MCTP1: variants seen among roughly 807,000 people sequenced by gnomAD.
MCTP1 encodes the protein multiple C2 and transmembrane domain containing 1.
MCTP1 carries 69 observed loss-of-function variants against 120.6 expected under a neutral mutation model. The observed-to-expected ratio is 0.57, with a 90% CI of 0.47 to 0.70. The LOEUF (loss-of-function observed/expected upper bound fraction) is 0.70, where lower values mean the gene tolerates loss of function less well. Among genes scored for constraint, MCTP1 ranks in the 30% least tolerant of loss-of-function variants. The pLI is 0.00. For synonymous variants in MCTP1, 529 were observed against 493.1 expected, an observed-to-expected ratio of 1.07 and a Z score of -0.96; for missense variants, 1,203 against 1,248.8, an observed-to-expected ratio of 0.96 and a Z score of 0.55.
chr5:95,166,301 A>T (rs162474), intron 1 of MCTP1: 1 of 151,948 alleles, frequency 6.6e-6, no homozygotes, highest in Non-Finnish European at 1.5e-5. Flanking sequence ...TGAGTTCTCC[A>T]ATCAAGGGAG....
At chr5:94,952,000 C>T (rs1031503760) in intron 3 of MCTP1, among the ~76,000 whole-genome samples, 2 of 151,700 alleles carry the variant, frequency 1.3e-5, no homozygotes, top group African/African-American at 2.4e-5. Context: ...GGTGAAATGC[C>T]ATCTCTACTA....
rs1444174213 is a variant in MCTP1, at chr5:94,705,463, TTTTTAAGAA to T, written c.*2024_*2032del. 8 of 150,806 alleles carry T rather than the reference TTTTTAAGAA, an allele frequency of 5.3e-5. No individual in the cohort carries two copies. The highest frequency in any genetic ancestry group is 1.7e-4 in the African/African-American group (7 of 41,154). 9.3% of individuals were successfully genotyped at this position (150,806 alleles called of 1,614,324 possible). A position where few individuals can be genotyped will look rare whatever the true frequency, so the allele number is the denominator to read the frequency against. On this transcript the variant is annotated 3_prime_UTR_variant, in exon 23 of 23. Coordinates refer to ENST00000515393, the MANE Select transcript of MCTP1 (RefSeq NM_024717.7). The stretch of plus-strand genomic sequence containing the variant: ...CTGTTTTTCTCCAAGTGACATATAG[TTTTTAAGAA>T]TATGCACACAATCCCTCATCAATCT...
At chr5:95,267,513 A>G (rs572964201) in intron 1 of MCTP1, among the ~76,000 whole-genome samples, 1 of 152,336 alleles carries the variant, frequency 6.6e-6, no homozygotes, top group Admixed American at 6.5e-5. Context: ...TCCAGGGGGA[A>G]AGACACTTTC....
At chr5:95,260,871 A>C (rs972780832) in intron 1 of MCTP1, among the ~76,000 whole-genome samples, 3 of 152,190 alleles carry the variant, frequency 2.0e-5, no homozygotes, top group African/African-American at 7.2e-5. Flanking sequence ...AAATGTGAGC[A>C]ATTTCCAATT....
chr5:94,906,242 T>C (rs1806876387), intron 10 of MCTP1, among the ~76,000 whole-genome samples: 1 of 152,098 alleles, frequency 6.6e-6, no homozygotes, highest in Non-Finnish European at 1.5e-5. Context: ...TCCCAGCACT[T>C]TGGGAGGCCG....
chr5:94,723,067 T>TA (rs565770220), intron 19 of MCTP1, among the ~76,000 whole-genome samples: 84 of 152,052 alleles, frequency 5.5e-4, no homozygotes, highest in African/African-American at 6.3e-4. Context: ...TTTTCAGATA[T>TA]AAAAAAAACA....
At chr5:95,164,844 C>A (rs1746139693) in intron 1 of MCTP1, among the ~76,000 whole-genome samples, 1 of 152,068 alleles carries the variant, frequency 6.6e-6, no homozygotes, top group Admixed American at 6.6e-5. Context: ...ATCTGTTTCT[C>A]ATGGTCTAAT....
At chr5:94,958,261 CTAA>C (rs1474012040) in intron 2 of MCTP1, among the ~76,000 whole-genome samples, 3 of 152,038 alleles carry the variant, frequency 2.0e-5, no homozygotes, top group East Asian at 3.8e-4. Context: ...TGGGACACAG[CTAA>C]AGCAGTGTGT....
chr5:94,953,549 T>A (rs539515706), intron 2 of MCTP1, among the ~76,000 whole-genome samples, 188 bp from the exon 3 acceptor site: 13 of 151,610 alleles, frequency 8.6e-5, no homozygotes, highest in East Asian at 3.9e-4. Flanking sequence ...TAATAATAAT[T>A]ATTATTACTT....
chr5:95,008,480 C>T (rs1835213271), intron 2 of MCTP1, among the ~76,000 whole-genome samples: 1 of 152,098 alleles, frequency 6.6e-6, no homozygotes, highest in Non-Finnish European at 1.5e-5. Context: ...AGGGAAATAC[C>T]CCATCTTTTG....
chr5:94,877,918 A>T (rs1480034103), intron 12 of MCTP1: 2 of 152,010 alleles, frequency 1.3e-5, no homozygotes, highest in African/African-American at 4.8e-5. Context: ...GCTGGATGTG[A>T]TGTGTTATAA....
intron 17 of MCTP1, among the ~76,000 whole-genome samples, chr5:94,846,817 C>CTG (rs67319075): frequency 0.064 from 9,372 of 147,184 alleles, 352 homozygotes; most frequent in African/African-American, 0.12. Context: ...CTGTGTGTGT[C>CTG]TGTGTGTGTG....
chr5:95,037,672 C>T (rs1214672766), intron 1 of MCTP1, among the ~76,000 whole-genome samples: 1 of 152,078 alleles, frequency 6.6e-6, no homozygotes, highest in Non-Finnish European at 1.5e-5. Context: ...TTGAGATCGG[C>T]CTGGCAAACA....
chr5:94,766,333 C>T (rs1772701179), intron 19 of MCTP1, among the ~76,000 whole-genome samples: 1 of 152,168 alleles, frequency 6.6e-6, no homozygotes, highest in African/African-American at 2.4e-5. Flanking sequence ...CCATGGAATA[C>T]TATGCAGCCA....
intron 1 of MCTP1, among the ~76,000 whole-genome samples, chr5:95,270,800 G>A (rs920812893): frequency 6.6e-6 from 1 of 152,104 alleles, no homozygotes; most frequent in African/African-American, 2.4e-5. Context: ...TGTGATGGCA[G>A]GCACCTGTAG....
chr5:95,082,747 G>C (rs1755086769), intron 1 of MCTP1, among the ~76,000 whole-genome samples: 1 of 152,038 alleles, frequency 6.6e-6, no homozygotes, highest in East Asian at 1.9e-4. Flanking sequence ...TTTTGCACTT[G>C]TGTGACATTT....
chr5:95,203,400 G>T (rs2152555583), intron 1 of MCTP1, among the ~76,000 whole-genome samples: 1 of 152,318 alleles, frequency 6.6e-6, no homozygotes, highest in African/African-American at 2.4e-5. Flanking sequence ...TTAAGGTAAA[G>T]ATCTTGAGAT....
At chr5:95,147,660 AC>A (rs551834006) in intron 1 of MCTP1, among the ~76,000 whole-genome samples, 1 of 152,082 alleles carries the variant, frequency 6.6e-6, no homozygotes, top group South Asian at 2.1e-4. Flanking sequence ...CCAGTTTGCC[AC>A]TCTATGCTTT....
chr5:94,944,640 C>A (rs1445375007), intron 3 of MCTP1, among the ~76,000 whole-genome samples: 2 of 151,740 alleles, frequency 1.3e-5, no homozygotes, highest in Non-Finnish European at 3.0e-5. Flanking sequence ...CAACATCCAA[C>A]CTCTTTTCAC....
Sources: gnomAD v4.1 joint callset for allele counts (sites outside exome capture counted in the v4.1 genomes callset) on GRCh38, gnomAD v4.1.1 for gene constraint, MANE v1.5 for transcripts, NCBI Gene and HGNC (gene_info 2026-07-23, HGNC 2026-07-21) for gene names.